The following F13A1 variants were observed in gnomAD, a reference collection of about 807,000 sequenced individuals.
F13A1 encodes the protein coagulation factor XIII A chain.
Under a neutral mutation model 80.1 loss-of-function variants are expected in F13A1, and 47 were observed. The observed-to-expected ratio is 0.59, with a 90% CI of 0.46 to 0.75. The LOEUF (loss-of-function observed/expected upper bound fraction) is 0.75, where lower values mean the gene tolerates loss of function less well. F13A1 is among the 30% of genes least tolerant of loss of function. F13A1 has a pLI of 0.00. For synonymous variants in F13A1, 349 were observed against 344.9 expected (o/e 1.01, Z -0.13); for missense variants, 817 against 930.4 (o/e 0.88, Z 1.59).
At chr6:6,288,103 A>T (rs1000889179) in intron 3 of F13A1, among the ~76,000 whole-genome samples, 1 of 152,218 alleles carries the variant, frequency 6.6e-6, no homozygotes, top group African/African-American at 2.4e-5. Flanking sequence ...CAGCTAATTC[A>T]CATGTTTATT....
At chr6:6,177,233 G>T (rs534055604) in intron 11 of F13A1, among the ~76,000 whole-genome samples, 4 of 152,248 alleles carry the variant, frequency 2.6e-5, no homozygotes, top group South Asian at 4.2e-4. Flanking sequence ...TAATAAGAGA[G>T]CCCTTTTATG....
intron 10 of F13A1, among the ~76,000 whole-genome samples, chr6:6,191,936 T>C (rs987029365): frequency 6.6e-6 from 1 of 152,152 alleles, no homozygotes; most frequent in African/African-American, 2.4e-5. Flanking sequence ...GATGGTGATA[T>C]TTTAGGTGCA....
intron 8 of F13A1, among the ~76,000 whole-genome samples, chr6:6,217,210 T>G (rs1018006814): frequency 4.3e-4 from 66 of 151,978 alleles, no homozygotes; most frequent in Admixed American, 3.3e-4. Flanking sequence ...ATCATGCTGC[T>G]ATAAAGACAC....
rs570555102 is a variant in F13A1, at chr6:6,318,801, A to C, written c.-18-119T>G. On this transcript the variant is annotated intron_variant, in intron 1 of 14. Coordinates refer to ENST00000264870, the MANE Select transcript of F13A1 (RefSeq NM_000129.4). ...CTGTGTGTGATAGCACTTGAGCAAC[A>C]CATTTTGCCGTTTGCATAAATAAAA... 8 of 1,093,708 alleles carry C rather than the reference A, an allele frequency of 7.3e-6. No homozygotes were observed. The African/African-American group carries it at 1.3e-4, about 17-fold the overall frequency. The allele number at this position is 1,093,708 out of a possible 1,614,324, so 67.8% of individuals were successfully genotyped here.
At chr6:6,244,013 G>A (rs1332890676) in intron 6 of F13A1, among the ~76,000 whole-genome samples, 1 of 152,192 alleles carries the variant, frequency 6.6e-6, no homozygotes, top group Non-Finnish European at 1.5e-5. Context: ...CCGCAGTAAT[G>A]CCAGGTGGTT....
At chr6:6,189,936 T>G (rs989208177) in intron 10 of F13A1, among the ~76,000 whole-genome samples, 6 of 152,196 alleles carry the variant, frequency 3.9e-5, no homozygotes, top group African/African-American at 1.4e-4. Context: ...TTTATTCTTT[T>G]TTCTCTAAAC....
chr6:6,301,789 C>G (rs1328424260), intron 3 of F13A1, among the ~76,000 whole-genome samples: 1 of 152,168 alleles, frequency 6.6e-6, no homozygotes, highest in Non-Finnish European at 1.5e-5. Context: ...CCACAGAGAA[C>G]CAATTACACC....
intron 13 of F13A1, among the ~76,000 whole-genome samples, chr6:6,158,428 A>C (rs1426393356): frequency 1.3e-5 from 2 of 152,218 alleles, no homozygotes; most frequent in African/African-American, 4.8e-5. Context: ...ACATACTAGC[A>C]TTAATGAAAT....
rs970213030 is a variant in F13A1, at chr6:6,217,518, C to G, written c.1112+4515G>C. On this transcript the variant is annotated intron_variant, in intron 8 of 14. Coordinates refer to ENST00000264870, the MANE Select transcript of F13A1 (RefSeq NM_000129.4). ...ACAGGAAGGGGAACATAACACTCTG[C>G]GGCCTGTTGTGGGGTGGGGGGAGGG... 8.7e-5 allele frequency among the ~76,000 whole-genome samples: 10 copies of G among 115,200 alleles called. No homozygotes were observed. The East Asian group carries it at 1.8e-3, about 21-fold the overall frequency. 75.6% of individuals were successfully genotyped at this position (115,200 alleles called of 152,430 possible). A position where few individuals can be genotyped will look rare whatever the true frequency, so the allele number is the denominator to read the frequency against.
At chr6:6,178,942 C>G (rs1760930527) in intron 11 of F13A1, among the ~76,000 whole-genome samples, 1 of 152,172 alleles carries the variant, frequency 6.6e-6, no homozygotes, top group Admixed American at 6.5e-5. Flanking sequence ...CAAGGAAGTG[C>G]TGGTAGCAGA....
In F13A1 at chr6:6,189,507, T is replaced by A. The variant is rs1039225382; in HGVS notation, c.1305+6290A>T. Among the ~76,000 whole-genome samples, 34 of 142,920 alleles carry A rather than the reference T, an allele frequency of 2.4e-4. 1 individual carries two copies. Among genetic ancestry groups the A allele is most frequent in the African/African-American group, 8.2e-4 (33 of 40,172 alleles). 93.8% of individuals were successfully genotyped at this position (142,920 alleles called of 152,430 possible). On this transcript the variant is annotated intron_variant, in intron 10 of 14. Transcript: ENST00000264870. The stretch of plus-strand genomic sequence containing the variant: ...AAGCTTAGTTTGGCTGAATATGAAA[T>A]TCTGGGTTGAAAATTCTTTTCTTTA...
rs142891701 is a variant in F13A1, at chr6:6,174,707, G to A, written c.1620C>T (p.Phe540=). 2.8e-4 allele frequency: 459 copies of A among 1,614,158 alleles called. No individual in the cohort carries two copies. In the African/African-American group the frequency reaches 5.8e-3, roughly 20 times the overall value. ...TGTAACGGTTGTGGCTGTTGTTCCG[G>A]AAGGTGATGGAGAGCTTGAAGTCTT... ...LGKDFKLSIT[F]RNNSHNRYTI... is the part of the protein sequence containing the mutation. Residue 540 remains phenylalanine, a synonymous_variant, in exon 12 of 15, where the codon TTC becomes TTT. Coordinates refer to ENST00000264870, the MANE Select transcript of F13A1 (RefSeq NM_000129.4).
intron 10 of F13A1, among the ~76,000 whole-genome samples, chr6:6,190,508 TG>T (rs1228866108): frequency 1.3e-5 from 2 of 150,488 alleles, no homozygotes; most frequent in South Asian, 2.2e-4. Flanking sequence ...GTTCCCCTGC[TG>T]GGGGGTGCCT....
At chr6:6,224,578 C>T in intron 7 of F13A1, 108 bp downstream of exon 7, 1 of 1,048,268 alleles carries the variant, frequency 9.5e-7, no homozygotes, top group Non-Finnish European at 1.4e-6. Flanking sequence ...CCCATAAATT[C>T]TATAGTGTCA....
chr6:6,295,638 G>T (rs1214301502), intron 3 of F13A1, among the ~76,000 whole-genome samples: 4 of 143,290 alleles, frequency 2.8e-5, no homozygotes, highest in Non-Finnish European at 6.0e-5. Flanking sequence ...GTAGATTCTG[G>T]ATATTAGCCC....
intron 2 of F13A1, among the ~76,000 whole-genome samples, chr6:6,307,660 A>G (rs1207034260): frequency 1.3e-5 from 2 of 152,220 alleles, no homozygotes; most frequent in Non-Finnish European, 2.9e-5. Context: ...ATCCTTACAG[A>G]ATCTCACAGA....
intron 3 of F13A1, among the ~76,000 whole-genome samples, chr6:6,277,742 G>A (rs965754599): frequency 3.3e-5 from 5 of 152,210 alleles, no homozygotes; most frequent in Admixed American, 3.3e-4. Flanking sequence ...TTCACCTTTT[G>A]ATGTATAGGG....
At chr6:6,190,872 C>G (rs7739352) in intron 10 of F13A1, among the ~76,000 whole-genome samples, 4,030 of 148,126 alleles carry the variant, frequency 0.027, 164 homozygotes, top group African/African-American at 0.089. Flanking sequence ...TAGCAATCAG[C>G]GAGACTCCGT....
At chr6:6,277,049 C>G (rs1428273412) in intron 3 of F13A1, among the ~76,000 whole-genome samples, 2 of 152,188 alleles carry the variant, frequency 1.3e-5, no homozygotes, top group East Asian at 3.9e-4. Flanking sequence ...TCACTATATT[C>G]CCTTTCCTTT....
Sources: gnomAD v4.1 joint callset for allele counts (sites outside exome capture counted in the v4.1 genomes callset) on GRCh38, gnomAD v4.1.1 for gene constraint, MANE v1.5 for transcripts, NCBI Gene and HGNC (gene_info 2026-07-23, HGNC 2026-07-21) for gene names.